Variants in EYS observed in about 807,000 individuals in gnomAD.
EYS encodes EGF-like photoreceptor maintenance factor.
A neutral mutation model predicts 282.1 loss-of-function variants in EYS; 250 were observed. The observed-to-expected ratio is 0.89, with a 90% CI of 0.80 to 0.98. EYS has a LOEUF of 0.98. Among genes scored for constraint, EYS ranks in the 50% least tolerant of loss-of-function variants. The pLI is 0.00. For synonymous variants in EYS, 1,355 were observed against 1,282.9 expected, an observed-to-expected ratio of 1.06 and a Z score of -1.20; for missense variants, 4,016 against 3,709.0, an observed-to-expected ratio of 1.08 and a Z score of -2.15.
chr6:64,239,622 T>G (rs1383493706), intron 30 of EYS, among the ~76,000 whole-genome samples: 1 of 151,782 alleles, frequency 6.6e-6, no homozygotes, highest in Non-Finnish European at 1.5e-5. Context: ...TCTTCTAAAT[T>G]TGTTTAAGTT....
chr6:64,550,681 T>G (rs1024526458), intron 26 of EYS, among the ~76,000 whole-genome samples: 35 of 152,110 alleles, frequency 2.3e-4, no homozygotes, highest in Admixed American at 1.3e-3. Context: ...GTCCCTGTTT[T>G]CAGATGACAT....
At chr6:64,659,462 A>G (rs1043220562) in intron 22 of EYS, among the ~76,000 whole-genome samples, 7 of 151,920 alleles carry the variant, frequency 4.6e-5, no homozygotes, top group African/African-American at 1.7e-4. Context: ...TTTTTTGAAA[A>G]GATCAACAAA....
At chr6:65,579,086 G>A (rs1267932259) in intron 2 of EYS, among the ~76,000 whole-genome samples, 3 of 152,094 alleles carry the variant, frequency 2.0e-5, no homozygotes, top group Admixed American at 2.0e-4. Context: ...ATATGGCAGT[G>A]ACCTAATGGC....
intron 19 of EYS, among the ~76,000 whole-genome samples, chr6:64,844,181 T>C (rs1401510286): frequency 6.6e-6 from 1 of 152,110 alleles, no homozygotes; most frequent in African/African-American, 2.4e-5. Flanking sequence ...AATGGACTAA[T>C]ACACTGGTAT....
intron 8 of EYS, among the ~76,000 whole-genome samples, chr6:65,366,572 T>C (rs1028333423): frequency 1.3e-5 from 2 of 151,836 alleles, no homozygotes; most frequent in African/African-American, 4.8e-5. Flanking sequence ...GCTTCTTTAA[T>C]GATTTTCAGC....
intron 26 of EYS, among the ~76,000 whole-genome samples, chr6:64,546,694 A>C (rs541008307): frequency 1.3e-3 from 192 of 152,330 alleles, no homozygotes; most frequent in Non-Finnish European, 1.3e-3. Context: ...AAACAACCCC[A>C]TCAAAAAGTG....
At chr6:64,810,586 G>T (rs1243855886) in intron 22 of EYS, among the ~76,000 whole-genome samples, 6 of 151,950 alleles carry the variant, frequency 3.9e-5, no homozygotes, top group African/African-American at 1.4e-4. Flanking sequence ...TACCTTTTTT[G>T]TTTATTTGTG....
intron 15 of EYS, 38 bp from the exon 16 acceptor site, chr6:64,912,781 C>A (rs1046345172): frequency 2.4e-6 from 3 of 1,275,490 alleles, no homozygotes; most frequent in Non-Finnish European, 3.1e-6. Flanking sequence ...AGTGTGAACT[C>A]TTTTTCAAGT....
At chr6:64,752,199 T>A (rs548946593) in intron 22 of EYS, among the ~76,000 whole-genome samples, 1 of 151,658 alleles carries the variant, frequency 6.6e-6, no homozygotes, top group South Asian at 2.1e-4. Flanking sequence ...AAATGTGATT[T>A]AAAAAAAACT....
intron 35 of EYS, among the ~76,000 whole-genome samples, chr6:63,958,687 A>G (rs1765924274): frequency 6.6e-6 from 1 of 152,208 alleles, no homozygotes; most frequent in African/African-American, 2.4e-5. Flanking sequence ...ACTTCAAAGG[A>G]CAGGCTGACT....
At chr6:64,599,730 T>C (rs1262831542) in intron 24 of EYS, among the ~76,000 whole-genome samples, 1 of 152,094 alleles carries the variant, frequency 6.6e-6, no homozygotes. Flanking sequence ...AGCTAGAAAA[T>C]GGCAGAGCAA....
intron 22 of EYS, among the ~76,000 whole-genome samples, chr6:64,694,926 A>C (rs918247341): frequency 1.2e-4 from 19 of 152,052 alleles, no homozygotes; most frequent in African/African-American, 3.9e-4. Context: ...AGAGAGCCCC[A>C]CTGGGTCAGG....
Position 65,142,479 on chromosome 6 carries a change from A to AACACACACACACACACAC in EYS, c.2024-84770_2024-84753dup, listed in dbSNP as rs71268364. Among the ~76,000 whole-genome samples, 211 of 134,990 alleles carry AACACACACACACACACAC rather than the reference A, an allele frequency of 1.6e-3. 3 individuals are homozygous for AACACACACACACACACAC. The highest frequency in any genetic ancestry group is 4.3e-3 in the African/African-American group (152 of 35,714). 88.6% of individuals were successfully genotyped at this position (134,990 alleles called of 152,430 possible). On this transcript the variant is annotated intron_variant, in intron 12 of 42. Coordinates refer to ENST00000503581, the MANE Select transcript of EYS (RefSeq NM_001142800.2). Reference sequence around the variant, plus strand: ...CATGATAAATGGAATAGAAATACAAAACACACACACACACACACACACACA... The same window carrying AACACACACACACACACAC: ...CATGATAAATGGAATAGAAATACAAAACACACACACACACACACACACACACACACACACACACACACA...
In EYS at chr6:63,751,277, A is replaced by G. The variant is rs149005921; in HGVS notation, c.8071+11184T>C. On this transcript the variant is annotated intron_variant, in intron 41 of 42. Coordinates refer to ENST00000503581, the MANE Select transcript of EYS (RefSeq NM_001142800.2). ...AACTTTGTTCTTACCAAATTGCAGG[A>G]TTCTTAATTAAAATACTTTCATTTC... Among the ~76,000 whole-genome samples, 577 of 152,300 alleles carry G rather than the reference A, an allele frequency of 3.8e-3. 6 individuals are homozygous for G. The highest frequency in any genetic ancestry group is 0.013 in the African/African-American group (555 of 41,584).
intron 19 of EYS, among the ~76,000 whole-genome samples, chr6:64,845,363 T>C (rs1379393352): frequency 1.3e-5 from 2 of 152,150 alleles, no homozygotes; most frequent in Non-Finnish European, 2.9e-5. Context: ...TTGTGTATCC[T>C]AAACATACTA....
chr6:64,880,725 A>T (rs1180700122), intron 19 of EYS, among the ~76,000 whole-genome samples: 1 of 149,836 alleles, frequency 6.7e-6, no homozygotes, highest in Admixed American at 6.7e-5. Flanking sequence ...AAGGCAATTA[A>T]GCTATTATAT....
At chr6:65,322,223 A>G (rs1202222312) in intron 11 of EYS, among the ~76,000 whole-genome samples, 1 of 152,166 alleles carries the variant, frequency 6.6e-6, no homozygotes, top group East Asian at 1.9e-4. Context: ...ATCCACAGAG[A>G]GAGGAACCAG....
At chr6:65,089,910 T>C (rs982443708) in intron 12 of EYS, among the ~76,000 whole-genome samples, 1 of 135,034 alleles carries the variant, frequency 7.4e-6, no homozygotes, top group Non-Finnish European at 1.5e-5. Flanking sequence ...AAAGCTGAGA[T>C]CACACCACTG....
intron 28 of EYS, among the ~76,000 whole-genome samples, chr6:64,420,484 T>G (rs1260901743): frequency 6.6e-6 from 1 of 150,754 alleles, no homozygotes; most frequent in East Asian, 2.0e-4. Context: ...AAAATGGGTT[T>G]TGGTTTTCTA....
Sources: allele counts gnomAD v4.1 joint callset (sites outside exome capture counted in the v4.1 genomes callset), GRCh38; gene constraint gnomAD v4.1.1; transcripts MANE v1.5; gene names NCBI Gene and HGNC (gene_info 2026-07-23, HGNC 2026-07-21).